Variants in GRID1 observed in about 807,000 individuals in gnomAD.
GRID1 encodes glutamate ionotropic receptor delta type subunit 1, also known as glutamate receptor ionotropic, delta-1.
A neutral mutation model predicts 98.0 loss-of-function variants in GRID1; 28 were observed. The observed-to-expected ratio is 0.29, with a 90% CI of 0.21 to 0.39. The LOEUF is 0.39. GRID1 is among the 10% of genes least tolerant of loss of function. The pLI, the probability that GRID1 is intolerant of heterozygous loss-of-function variation, is 1.00. For synonymous variants in GRID1, 553 were observed against 538.5 expected, an observed-to-expected ratio of 1.03 and a Z score of -0.37; for missense variants, 1,111 against 1,340.5, an observed-to-expected ratio of 0.83 and a Z score of 2.67.
At chr10:86,045,038 C>T (rs1458423996) in intron 4 of GRID1, among the ~76,000 whole-genome samples, 2 of 152,246 alleles carry the variant, frequency 1.3e-5, no homozygotes, top group East Asian at 1.9e-4. Context: ...CAAATCCTTG[C>T]TCCGGCGCAG....
chr10:86,069,570 C>T (rs1044594843), intron 4 of GRID1, among the ~76,000 whole-genome samples: 1 of 152,064 alleles, frequency 6.6e-6, no homozygotes, highest in African/African-American at 2.4e-5. Flanking sequence ...ATGGCGTGAA[C>T]CCGGGAGGCG....
chr10:85,884,898 C>G (rs1841089919), intron 5 of GRID1, among the ~76,000 whole-genome samples: 1 of 151,930 alleles, frequency 6.6e-6, no homozygotes, highest in Non-Finnish European at 1.5e-5. Flanking sequence ...ACAACAAAAA[C>G]AAGTAGAGAA....
intron 4 of GRID1, among the ~76,000 whole-genome samples, chr10:85,966,704 C>A (rs1842340949): frequency 6.6e-6 from 1 of 151,872 alleles, no homozygotes; most frequent in South Asian, 2.1e-4. Flanking sequence ...ATCCCAGCTA[C>A]TCAGGAGGCT....
chr10:86,279,195 A>T (rs1428248182), intron 2 of GRID1, among the ~76,000 whole-genome samples: 3 of 152,216 alleles, frequency 2.0e-5, no homozygotes, highest in African/African-American at 7.2e-5. Flanking sequence ...AGAAGTCAGC[A>T]GTCTACAACT....
intron 12 of GRID1, among the ~76,000 whole-genome samples, chr10:85,703,963 G>C (rs937807273): frequency 6.6e-6 from 1 of 152,038 alleles, no homozygotes; most frequent in Non-Finnish European, 1.5e-5. Context: ...TGTCTGTAAA[G>C]TATTTTATTT....
At chr10:85,995,721 G>C (rs930714338) in intron 4 of GRID1, among the ~76,000 whole-genome samples, 13 of 152,218 alleles carry the variant, frequency 8.5e-5, no homozygotes, top group African/African-American at 3.1e-4. Flanking sequence ...CCTAGAGGCA[G>C]ATGCAGCCAC....
chr10:85,968,322 G>A (rs1393472477), intron 4 of GRID1, among the ~76,000 whole-genome samples: 2 of 151,932 alleles, frequency 1.3e-5, no homozygotes, highest in African/African-American at 4.8e-5. Flanking sequence ...CTGGTGGCGG[G>A]CACCTGTAGT....
intron 8 of GRID1, among the ~76,000 whole-genome samples, chr10:85,777,993 A>G (rs1178984021): frequency 6.6e-6 from 1 of 152,224 alleles, no homozygotes; most frequent in East Asian, 1.9e-4. Context: ...TCATTAATTA[A>G]CAATTCTTGG....
At chr10:86,286,007 T>C (rs967689883) in intron 2 of GRID1, among the ~76,000 whole-genome samples, 3 of 152,096 alleles carry the variant, frequency 2.0e-5, no homozygotes, top group Non-Finnish European at 4.4e-5. Context: ...TAAGTATAGG[T>C]GAGATGTAGA....
chr10:85,807,356 T>TA (rs538214395), intron 8 of GRID1, among the ~76,000 whole-genome samples: 7,477 of 109,664 alleles, frequency 0.068, 232 homozygotes, highest in African/African-American at 0.12. Flanking sequence ...TCTCCTCAAA[T>TA]AAAAAAAAAA....
Position 85,819,967 on chromosome 10 carries a change from GAGGAAGGAAGGAAGGA to G in GRID1, c.1233+34513_1233+34528del, listed in dbSNP as rs544578610. Among the ~76,000 whole-genome samples, 545 of 88,450 alleles carry G rather than the reference GAGGAAGGAAGGAAGGA, an allele frequency of 6.2e-3. 9 individuals are homozygous for G. Among genetic ancestry groups the G allele is most frequent in the African/African-American group, 0.018 (420 of 23,444 alleles). The allele number at this position is 88,450 out of a possible 152,430, so 58.0% of individuals were successfully genotyped here. A position where few individuals can be genotyped will look rare whatever the true frequency, so the allele number is the denominator to read the frequency against. ...GGAGGGAGGAAGGGAGAGAAAGAGA[GAGGAAGGAAGGAAGGA>G]AGGAAGGAAGGAAGGAAGGAAGGAA... On this transcript the variant is annotated intron_variant, in intron 8 of 15. Transcript: ENST00000327946.
chr10:86,135,147 G>C (rs969947913), intron 4 of GRID1, among the ~76,000 whole-genome samples: 1 of 152,236 alleles, frequency 6.6e-6, no homozygotes, highest in Non-Finnish European at 1.5e-5. Flanking sequence ...TCCCCAGCTG[G>C]TGAGGAAGCT....
intron 13 of GRID1, among the ~76,000 whole-genome samples, chr10:85,626,529 G>T (rs193233123): frequency 1.4e-3 from 208 of 152,302 alleles, no homozygotes; most frequent in Non-Finnish European, 2.5e-3. Context: ...AGGACATGGG[G>T]TCTGCCCCTT....
chr10:85,735,953 G>A (rs542647434), intron 8 of GRID1, among the ~76,000 whole-genome samples: 1 of 139,994 alleles, frequency 7.1e-6, no homozygotes, highest in Admixed American at 7.2e-5. Flanking sequence ...GAGAGAAGGA[G>A]GGAGAAAGTG....
chr10:85,756,857 T>C (rs182845362), intron 8 of GRID1, among the ~76,000 whole-genome samples: 1 of 152,324 alleles, frequency 6.6e-6, no homozygotes, highest in Admixed American at 6.5e-5. Context: ...CTCTGAGCAC[T>C]GTACCAATAT....
rs1358349961 is a variant in GRID1 at position 85,601,077 on chromosome 10, A to G, written c.*1196T>C. ...AACTTCCCTGGTGGATGGGAGTTAC[A>G]CTTATGCTTCTCACCTAAGGCGCAA... is the stretch of plus-strand genomic sequence containing the variant. On this transcript the variant is annotated 3_prime_UTR_variant, in exon 16 of 16. Transcript: ENST00000327946. 1 of 152,230 alleles carries G rather than the reference A, an allele frequency of 6.6e-6. No individual in the cohort carries two copies. Among genetic ancestry groups the G allele is most frequent in the Non-Finnish European group, 1.5e-5 (1 of 68,070 alleles). The allele number at this position is 152,230 out of a possible 1,614,324, so 9.4% of individuals were successfully genotyped here.
intron 13 of GRID1, among the ~76,000 whole-genome samples, chr10:85,638,285 T>A (rs911037028): frequency 6.6e-6 from 1 of 152,172 alleles, no homozygotes; most frequent in Admixed American, 6.5e-5. Flanking sequence ...CCTGAAATGA[T>A]CCTTATATTA....
chr10:85,989,436 A>C (rs1488828030), intron 4 of GRID1, among the ~76,000 whole-genome samples: 2 of 152,170 alleles, frequency 1.3e-5, no homozygotes, highest in Admixed American at 1.3e-4. Context: ...AACCCAATAG[A>C]GGTACCAGTC....
At chr10:86,042,530 C>T (rs1402437945) in intron 4 of GRID1, among the ~76,000 whole-genome samples, 1 of 152,134 alleles carries the variant, frequency 6.6e-6, no homozygotes, top group Non-Finnish European at 1.5e-5. Context: ...GCTCAGTGGT[C>T]CAAGAAGCTT....
Sources: allele counts gnomAD v4.1 joint callset (sites outside exome capture counted in the v4.1 genomes callset), GRCh38; gene constraint gnomAD v4.1.1; transcripts MANE v1.5; gene names NCBI Gene and HGNC (gene_info 2026-07-23, HGNC 2026-07-21).